The following PTPA variants were observed in gnomAD, a reference collection of about 807,000 sequenced individuals.
The protein encoded by PTPA is protein phosphatase 2 phosphatase activator.
In PTPA, 13 loss-of-function variants were observed where a neutral mutation model predicts 43.6. That is an observed-to-expected ratio of 0.30 (90% CI 0.19 to 0.47). The LOEUF (loss-of-function observed/expected upper bound fraction) is 0.47. PTPA is among the 20% of genes least tolerant of loss of function. The pLI is 0.99. For missense variants in PTPA, 329 were observed against 411.9 expected (o/e 0.80, Z 1.74); for synonymous variants, 172 against 158.2 (o/e 1.09, Z -0.66).
chr9:129,141,127 A>C (rs924112891), intron 8 of PTPA, among the ~76,000 whole-genome samples: 3 of 151,600 alleles, frequency 2.0e-5, no homozygotes, highest in African/African-American at 7.3e-5. Context: ...CAGGGGAGGG[A>C]AATGAGGGGG....
chr9:129,143,161 C>T (rs1386693618), intron 9 of PTPA: 5 of 614,232 alleles, frequency 8.1e-6, no homozygotes, highest in South Asian at 1.9e-5. Flanking sequence ...GTCTCCTGCC[C>T]TCTTGGCACT....
In PTPA at chr9:129,114,025, T is replaced by A. The variant is rs573453821; in HGVS notation, c.31+2394T>A. The stretch of plus-strand genomic sequence containing the variant: ...ACTTTTGGGAACAGCTGGAAAGAAC[T>A]TCTTCTTTTTAGTTTTTTTTTGAGA... On this transcript the variant is annotated intron_variant, in intron 1 of 9. Coordinates refer to ENST00000393370, the MANE Select transcript of PTPA (RefSeq NM_178000.3). Among the ~76,000 whole-genome samples the A allele has an allele frequency of 1.6e-4, 24 of 152,160 alleles. No homozygotes were observed. The East Asian group carries it at 4.1e-3, about 26-fold the overall frequency.
At position 129,120,439 on chromosome 9, in the gene PTPA, A is replaced by AC. The variant is rs1381626779; in HGVS notation, c.32-74_32-73insC. 25 of 928,346 alleles carry AC rather than the reference A, an allele frequency of 2.7e-5. No individual in the cohort carries two copies. In the African/African-American group the frequency reaches 3.6e-4, roughly 13 times the overall value. The allele number at this position is 928,346 out of a possible 1,614,324, so 57.5% of individuals were successfully genotyped here. On this transcript the variant is annotated intron_variant, in intron 1 of 9. Coordinates refer to ENST00000393370, the MANE Select transcript of PTPA (RefSeq NM_178000.3). Reference sequence around the variant, plus strand: ...AACTCCGTCTCAAGAAAAAAAAAAAAGGTGAAAGGGAGTGTGTGTGTTGTA... The same window carrying AC: ...AACTCCGTCTCAAGAAAAAAAAAAAACGGTGAAAGGGAGTGTGTGTGTTGTA...
At chr9:129,122,907 G>T (rs1236740342) in intron 2 of PTPA, 145 bp from the exon 3 acceptor site, 2 of 642,134 alleles carry the variant, frequency 3.1e-6, no homozygotes, top group Non-Finnish European at 5.6e-6. Context: ...TTACGTTTCT[G>T]CTTCTCCTGC....
At position 129,140,336 on chromosome 9, in the gene PTPA, C is replaced by T. The variant is rs377308584; in HGVS notation, c.787-2109C>T. On this transcript the variant is annotated intron_variant, in intron 8 of 9. Coordinates refer to ENST00000393370, the MANE Select transcript of PTPA (RefSeq NM_178000.3). Reference sequence around the variant, plus strand: ...CTCCCACTCGTCTGTTTTCCTTTGCCAGAGTTACAGGCAAAGGACTGTAAC... The same window carrying T: ...CTCCCACTCGTCTGTTTTCCTTTGCTAGAGTTACAGGCAAAGGACTGTAAC... Among the ~76,000 whole-genome samples the T allele has an allele frequency of 1.9e-4, 29 of 152,318 alleles. No individual in the cohort carries two copies. The East Asian group carries it at 5.4e-3, about 28-fold the overall frequency.
In PTPA at chr9:129,123,091, G is replaced by A. The variant is rs763284736; in HGVS notation, c.169G>A (p.Glu57Lys). The change falls in exon 3 of 10, where the codon GAA becomes AAA. Residue 57 changes from glutamate to lysine, a missense_variant. By Grantham distance (56) the Glu-to-Lys change is moderately conservative. Transcript: ENST00000393370. ...CATCGGATTCATCCTTACCCTCAAC[G>A]AAGGTGTGAAGGGGAAGAAGCTGAC... ...DYIGFILTLN[E>K]GVKGKKLTFE... 15 of 1,612,406 alleles carry A rather than the reference G, an allele frequency of 9.3e-6. No homozygotes were observed. The highest frequency in any genetic ancestry group is 1.3e-5 in the Non-Finnish European group (15 of 1,179,022).
At chr9:129,113,027 T>C (rs1166868378) in intron 1 of PTPA, among the ~76,000 whole-genome samples, 2 of 149,910 alleles carry the variant, frequency 1.3e-5, no homozygotes, top group Non-Finnish European at 3.0e-5. Context: ...ACACATAAAA[T>C]ACACTAACAC....
At chr9:129,135,062 A>G (rs753779055) in intron 6 of PTPA, among the ~76,000 whole-genome samples, 168 bp downstream of exon 6, 5 of 152,092 alleles carry the variant, frequency 3.3e-5, no homozygotes, top group Admixed American at 1.3e-4. Flanking sequence ...CTTTTTTCCA[A>G]CAGGTTCAAA....
At chr9:129,121,953 A>T (rs995896403) in intron 2 of PTPA, among the ~76,000 whole-genome samples, 1 of 152,178 alleles carries the variant, frequency 6.6e-6, no homozygotes, top group Admixed American at 6.5e-5. Context: ...TTCCTTCTAG[A>T]TATCAGGGCT....
chr9:129,140,908 C>T (rs954352319), intron 8 of PTPA, among the ~76,000 whole-genome samples: 19 of 152,092 alleles, frequency 1.2e-4, no homozygotes, highest in African/African-American at 4.6e-4. Flanking sequence ...TGGCTGCCCT[C>T]CTGGAGGAGA....
In PTPA at chr9:129,142,711, A is replaced by G. The variant is rs1485670814; in HGVS notation, c.894+159A>G. The G allele has an allele frequency of 2.6e-6, 4 of 1,540,546 alleles. No homozygotes were observed. The Admixed American group carries it at 7.8e-5, about 30-fold the overall frequency. Reference sequence around the variant, plus strand: ...CCCCTCTGACACTTGGGGCCTCGGAATCTCCCATCTGGGGCATGGGCAGTC... The same window carrying G: ...CCCCTCTGACACTTGGGGCCTCGGAGTCTCCCATCTGGGGCATGGGCAGTC... On this transcript the variant is annotated intron_variant, in intron 9 of 9. Transcript: ENST00000393370.
At chr9:129,114,798 G>A (rs1019939344) in intron 1 of PTPA, among the ~76,000 whole-genome samples, 1 of 152,170 alleles carries the variant, frequency 6.6e-6, no homozygotes, top group Non-Finnish European at 1.5e-5. Context: ...GACTGTGGGC[G>A]TGACCTCATT....
At chr9:129,146,943 C>T (rs1356774118) in intron 9 of PTPA, among the ~76,000 whole-genome samples, 2 of 152,230 alleles carry the variant, frequency 1.3e-5, no homozygotes, top group East Asian at 3.9e-4. Context: ...ATGCCTTTTT[C>T]AGTCCAGAGA....
chr9:129,126,246 T>C (rs1205939371), intron 3 of PTPA, among the ~76,000 whole-genome samples: 1 of 151,908 alleles, frequency 6.6e-6, no homozygotes, highest in Non-Finnish European at 1.5e-5. Context: ...CAGGCTGGAG[T>C]TCAATGGTAC....
At chr9:129,129,147 G>C (rs747232744) in intron 4 of PTPA, 37 bp downstream of exon 4, 5 of 1,606,382 alleles carry the variant, frequency 3.1e-6, no homozygotes, top group Non-Finnish European at 3.4e-6. Context: ...GACTGGGCTG[G>C]CAGTGAGGGT....
chr9:129,113,491 G>C (rs564685919), intron 1 of PTPA, among the ~76,000 whole-genome samples: 3 of 151,686 alleles, frequency 2.0e-5, no homozygotes, highest in South Asian at 4.2e-4. Context: ...TGATGACTCC[G>C]GGCACAGTGG....
chr9:129,146,276 C>G (rs1032172227), intron 9 of PTPA, among the ~76,000 whole-genome samples: 6 of 152,152 alleles, frequency 3.9e-5, no homozygotes, highest in African/African-American at 1.4e-4. Flanking sequence ...GTGGCCAGGG[C>G]TCTGCTCCCC....
At chr9:129,124,347 CATTT>C (rs1197863221) in intron 3 of PTPA, among the ~76,000 whole-genome samples, 1 of 91,498 alleles carries the variant, frequency 1.1e-5, no homozygotes, top group African/African-American at 4.4e-5. Context: ...CTTGGCCCCT[CATTT>C]ATTTAAACAG....
At chr9:129,137,885 G>T in intron 8 of PTPA, 193 bp downstream of exon 8, 1 of 624,366 alleles carries the variant, frequency 1.6e-6, no homozygotes, top group Non-Finnish European at 3.0e-6. Context: ...CAGGTCCTCC[G>T]CCCAGTTCTC....
Sources: allele counts gnomAD v4.1 joint callset (sites outside exome capture counted in the v4.1 genomes callset), GRCh38; gene constraint gnomAD v4.1.1; transcripts MANE v1.5; gene names NCBI Gene and HGNC (gene_info 2026-07-23, HGNC 2026-07-21).